Variants in MAGI1 observed in about 807,000 individuals in gnomAD.
MAGI1 encodes the protein membrane associated guanylate kinase, WW and PDZ domain containing 1.
MAGI1 carries 58 observed loss-of-function variants against 139.9 expected under a neutral mutation model. The ratio of observed to expected loss-of-function variants is 0.41; its 90% CI spans 0.34 to 0.52. The LOEUF is 0.52. Ranked by LOEUF, MAGI1 falls within the 20% of genes least tolerant of loss-of-function variation. MAGI1 has a pLI of 0.12. For missense variants in MAGI1, 1,874 were observed against 1,901.6 expected (o/e 0.99, Z 0.27); for synonymous variants, 812 against 737.9 (o/e 1.10, Z -1.63).
At chr3:65,452,553 T>C (rs188195859) in intron 6 of MAGI1, 4 of 151,090 alleles carry the variant, frequency 2.6e-5, no homozygotes, top group Admixed American at 2.6e-4. Context: ...GTTGGTGTAC[T>C]GAAAAGGGAC....
intron 1 of MAGI1, among the ~76,000 whole-genome samples, chr3:65,877,035 G>A (rs1019201268): frequency 9.9e-5 from 15 of 152,076 alleles, no homozygotes; most frequent in African/African-American, 2.7e-4. Context: ...GAGCCACTGC[G>A]CCTGGCCTAT....
chr3:65,586,720 T>C (rs939811138), intron 2 of MAGI1, among the ~76,000 whole-genome samples: 30 of 151,882 alleles, frequency 2.0e-4, no homozygotes, highest in Non-Finnish European at 3.1e-4. Context: ...GACGTATTCT[T>C]AATGACAAAA....
chr3:65,609,390 G>A (rs1344832186), intron 2 of MAGI1, among the ~76,000 whole-genome samples: 1 of 151,302 alleles, frequency 6.6e-6, no homozygotes, highest in Admixed American at 6.6e-5. Flanking sequence ...CAGTTCTCCT[G>A]CCTCAGCCTC....
intron 1 of MAGI1, among the ~76,000 whole-genome samples, chr3:65,977,527 A>G (rs918694996): frequency 6.6e-6 from 1 of 152,122 alleles, no homozygotes; most frequent in African/African-American, 2.4e-5. Context: ...CCCGGCCAAC[A>G]TAGTGAAACC....
intron 1 of MAGI1, among the ~76,000 whole-genome samples, chr3:65,861,887 C>T (rs34309626): frequency 0.019 from 2,820 of 152,294 alleles, 41 homozygotes; most frequent in Non-Finnish European, 0.029. Flanking sequence ...TATTAGCAGG[C>T]ATGTGCAGTC....
intron 1 of MAGI1, among the ~76,000 whole-genome samples, chr3:65,994,683 G>A (rs570567870): frequency 6.6e-6 from 1 of 152,312 alleles, no homozygotes; most frequent in Non-Finnish European, 1.5e-5. Flanking sequence ...TGGGGTCCCA[G>A]CTAGAATGGC....
At chr3:65,393,124 T>C (rs1396664815) in intron 13 of MAGI1, among the ~76,000 whole-genome samples, 1 of 152,194 alleles carries the variant, frequency 6.6e-6, no homozygotes, top group Admixed American at 6.5e-5. Flanking sequence ...CCAGAGTTGA[T>C]AGAACCTGGC....
At chr3:65,413,423 T>C (rs1025425717) in intron 12 of MAGI1, among the ~76,000 whole-genome samples, 1 of 152,190 alleles carries the variant, frequency 6.6e-6, no homozygotes, top group African/African-American at 2.4e-5. Flanking sequence ...TTATTCAAAG[T>C]GTCTGCAAGT....
chr3:65,391,144 C>A lies in MAGI1; in HGVS notation c.2414G>T (p.Arg805Leu), dbSNP rs180991722. The A allele has an allele frequency of 6.2e-7, 1 of 1,614,042 alleles. No individual in the cohort carries two copies. The highest frequency in any genetic ancestry group is 8.5e-7 in the Non-Finnish European group (1 of 1,179,932). Reference protein sequence around the residue: ...WAQSRSMYENRLPDYQEQDIF... With the variant: ...WAQSRSMYENLLPDYQEQDIF... ...ACAGAGGCCAGGATGCTACTCACGTCGGTTTTCATACATGCTCCTGGACTG... is the reference window on the plus strand; with the variant it reads ...ACAGAGGCCAGGATGCTACTCACGTAGGTTTTCATACATGCTCCTGGACTG... Residue 805 changes from arginine (R) to leucine (L), a missense_variant and splice_region_variant, in exon 14 of 23, where the codon CGA becomes CTA. By Grantham distance (102) the Arg-to-Leu change is moderately radical (BLOSUM62 -2). Coordinates refer to ENST00000402939, the MANE Select transcript of MAGI1 (RefSeq NM_001033057.2).
chr3:65,710,342 G>A (rs1007264651), intron 1 of MAGI1, among the ~76,000 whole-genome samples: 8 of 138,542 alleles, frequency 5.8e-5, no homozygotes, highest in South Asian at 4.6e-4. Flanking sequence ...GTGCAATGGC[G>A]CGACCTTGGC....
intron 12 of MAGI1, among the ~76,000 whole-genome samples, chr3:65,402,939 G>C (rs769989828): frequency 2.6e-5 from 4 of 152,160 alleles, no homozygotes; most frequent in Non-Finnish European, 5.9e-5. Context: ...AGCAGCCCAG[G>C]TCCCACCACT....
intron 2 of MAGI1, among the ~76,000 whole-genome samples, chr3:65,617,958 A>C (rs1203202590): frequency 6.6e-6 from 1 of 152,160 alleles, no homozygotes; most frequent in Non-Finnish European, 1.5e-5. Flanking sequence ...CACTACAATC[A>C]GGCACAAAAC....
chr3:65,893,141 T>C (rs1482364553), intron 1 of MAGI1, among the ~76,000 whole-genome samples: 2 of 152,148 alleles, frequency 1.3e-5, no homozygotes, highest in Non-Finnish European at 2.9e-5. Flanking sequence ...TTCTGGCACA[T>C]AAGTTACTGA....
chr3:66,023,163 G>A (rs2068050730), intron 1 of MAGI1, among the ~76,000 whole-genome samples: 1 of 152,026 alleles, frequency 6.6e-6, no homozygotes, highest in South Asian at 2.1e-4. Flanking sequence ...CAGAAGTTCT[G>A]GATTACATAT....
At chr3:65,575,189 A>G (rs1401930837) in intron 2 of MAGI1, among the ~76,000 whole-genome samples, 1 of 152,146 alleles carries the variant, frequency 6.6e-6, no homozygotes, top group Non-Finnish European at 1.5e-5. Context: ...TTCAGAATCT[A>G]TAGAGTTCCA....
chr3:65,876,943 C>T (rs2060140223), intron 1 of MAGI1, among the ~76,000 whole-genome samples: 1 of 152,118 alleles, frequency 6.6e-6, no homozygotes, highest in Non-Finnish European at 1.5e-5. Context: ...CGGGGTTTCA[C>T]CATGTTAGCC....
chr3:65,777,298 T>C (rs759640092), intron 1 of MAGI1, among the ~76,000 whole-genome samples: 1 of 152,180 alleles, frequency 6.6e-6, no homozygotes, highest in African/African-American at 2.4e-5. Context: ...TAACAGTGCC[T>C]AATCAAGTGG....
At chr3:66,034,119 T>C (rs2068786725) in intron 1 of MAGI1, among the ~76,000 whole-genome samples, 1 of 151,988 alleles carries the variant, frequency 6.6e-6, no homozygotes, top group African/African-American at 2.4e-5. Flanking sequence ...CCCTTGAGGG[T>C]TTATTAAAAC....
intron 1 of MAGI1, among the ~76,000 whole-genome samples, chr3:65,885,506 C>T (rs780071581): frequency 5.3e-5 from 8 of 152,126 alleles, no homozygotes; most frequent in Non-Finnish European, 1.0e-4. Flanking sequence ...GGCTGTGTCC[C>T]CACTCAAATC....
Sources: gnomAD v4.1 joint callset for allele counts (sites outside exome capture counted in the v4.1 genomes callset) on GRCh38, gnomAD v4.1.1 for gene constraint, MANE v1.5 for transcripts, NCBI Gene and HGNC (gene_info 2026-07-23, HGNC 2026-07-21) for gene names.